The following GPHN variants were observed in gnomAD, a reference collection of about 807,000 sequenced individuals.
GPHN encodes the protein gephyrin.
In GPHN, 17 loss-of-function variants were observed where a neutral mutation model predicts 95.5. That is an observed-to-expected ratio of 0.18 (90% confidence interval 0.12 to 0.27). GPHN has a LOEUF of 0.27. GPHN is among the 10% of genes least tolerant of loss of function. The pLI is 1.00. For missense variants in GPHN, 660 were observed against 978.1 expected (o/e 0.67, Z 4.34); for synonymous variants, 320 against 322.5 (o/e 0.99, Z 0.08).
At chr14:66,851,541 A>G (rs998843173) in intron 4 of GPHN, among the ~76,000 whole-genome samples, 1 of 152,160 alleles carries the variant, frequency 6.6e-6, no homozygotes, top group African/African-American at 2.4e-5. Flanking sequence ...TCATAACTAT[A>G]TTGTATAATA....
At chr14:67,561,334 C>T in the GPHN span, among the ~76,000 whole-genome samples, 9 of 152,110 alleles carry the variant, frequency 5.9e-5, no homozygotes, top group Non-Finnish European at 1.2e-4. Flanking sequence ...GTGGATTGCT[C>T]GACACTAGGA....
chr14:66,802,609 C>T (rs1027912412), intron 3 of GPHN, among the ~76,000 whole-genome samples: 5 of 152,172 alleles, frequency 3.3e-5, no homozygotes, highest in Admixed American at 2.6e-4. Context: ...TCACCCAAGC[C>T]CTTGATACCT....
At chr14:67,359,151 GA>G in the GPHN span, among the ~76,000 whole-genome samples, 2 of 152,200 alleles carry the variant, frequency 1.3e-5, no homozygotes, top group Non-Finnish European at 2.9e-5. Context: ...GGGGATCCAA[GA>G]TCGAATCCGA....
chr14:66,889,171 T>A (rs992586328), intron 5 of GPHN, among the ~76,000 whole-genome samples: 1 of 152,092 alleles, frequency 6.6e-6, no homozygotes, highest in Non-Finnish European at 1.5e-5. Context: ...TATGCCACAT[T>A]CAATAATGGA....
At chr14:66,556,361 C>T (rs1365469597) in intron 1 of GPHN, among the ~76,000 whole-genome samples, 1 of 152,164 alleles carries the variant, frequency 6.6e-6, no homozygotes, top group East Asian at 1.9e-4. Flanking sequence ...CAGAACACAA[C>T]TATTATCCTT....
At chr14:67,044,840 G>T (rs1376762465) in intron 10 of GPHN, among the ~76,000 whole-genome samples, 1 of 150,904 alleles carries the variant, frequency 6.6e-6, no homozygotes, top group Admixed American at 6.6e-5. Context: ...CTGTTGGTGT[G>T]TCTCTGTCTG....
At chr14:66,937,727 A>T (rs1190633358) in intron 8 of GPHN, among the ~76,000 whole-genome samples, 1 of 152,210 alleles carries the variant, frequency 6.6e-6, no homozygotes, top group East Asian at 1.9e-4. Flanking sequence ...TTTACAAATA[A>T]GAAGACCACA....
chr14:67,137,713 T>C (rs2080178603), intron 17 of GPHN, among the ~76,000 whole-genome samples: 1 of 152,042 alleles, frequency 6.6e-6, no homozygotes, highest in African/African-American at 2.4e-5. Flanking sequence ...TGCAGTGAGC[T>C]GTGATCACAC....
At chr14:66,570,865 G>A (rs2060659366) in intron 1 of GPHN, among the ~76,000 whole-genome samples, 1 of 152,128 alleles carries the variant, frequency 6.6e-6, no homozygotes, top group Non-Finnish European at 1.5e-5. Context: ...CTGATGATTA[G>A]TGATGTGGAG....
intron 8 of GPHN, among the ~76,000 whole-genome samples, chr14:66,945,317 C>T (rs1015804616): frequency 2.6e-5 from 4 of 152,212 alleles, no homozygotes; most frequent in Middle Eastern, 3.2e-3. Context: ...GCAAATGGTG[C>T]GAACTTCTAA....
At chr14:66,834,519 G>C (rs1348753626) in intron 4 of GPHN, among the ~76,000 whole-genome samples, 1 of 151,948 alleles carries the variant, frequency 6.6e-6, no homozygotes, top group South Asian at 2.1e-4. Context: ...TAATCATGTG[G>C]TTTTTGTCTT....
At chr14:67,594,031 G>T in the GPHN span, 1 of 892,550 alleles carries the variant, frequency 1.1e-6, no homozygotes, top group South Asian at 1.5e-5. Flanking sequence ...GAACATGCAT[G>T]GAGGAAAAGG....
chr14:66,884,290 A>G (rs952256655), intron 5 of GPHN, among the ~76,000 whole-genome samples: 4 of 152,038 alleles, frequency 2.6e-5, no homozygotes, highest in Non-Finnish European at 5.9e-5. Flanking sequence ...TTCAGTCCCA[A>G]ATCTGCCTGC....
chr14:66,915,884 C>G, intron 5 of GPHN, 119 bp from the exon 6 acceptor site: 1 of 733,292 alleles, frequency 1.4e-6, no homozygotes, highest in Non-Finnish European at 2.5e-6. Flanking sequence ...TAAGATAACA[C>G]TTTTATTCCT....
chr14:66,672,212 GT>G (rs1402170224), intron 1 of GPHN, among the ~76,000 whole-genome samples: 8 of 152,018 alleles, frequency 5.3e-5, no homozygotes, highest in Admixed American at 1.3e-4. Flanking sequence ...CTTTAGAAGT[GT>G]TTTGTTTAAT....
intron 5 of GPHN, among the ~76,000 whole-genome samples, chr14:66,881,381 TAAG>T (rs2063923181): frequency 6.6e-6 from 1 of 151,842 alleles, no homozygotes; most frequent in Non-Finnish European, 1.5e-5. Flanking sequence ...CCTATGGAAT[TAAG>T]TAGTAGTTTT....
At chr14:67,258,936 G>A in the GPHN span, among the ~76,000 whole-genome samples, 5 of 151,968 alleles carry the variant, frequency 3.3e-5, no homozygotes, top group East Asian at 3.9e-4. Context: ...CCCACCTCCC[G>A]GGTTCAAGTG....
chr14:66,787,336 T>G (rs944684178), intron 3 of GPHN, among the ~76,000 whole-genome samples: 12 of 151,992 alleles, frequency 7.9e-5, no homozygotes, highest in African/African-American at 2.4e-4. Flanking sequence ...AACAAAGAAA[T>G]AAAAGGACAC....
intron 17 of GPHN, among the ~76,000 whole-genome samples, chr14:67,141,416 G>A (rs2080451112): frequency 6.6e-6 from 1 of 152,162 alleles, no homozygotes; most frequent in South Asian, 2.1e-4. Flanking sequence ...TTGCCAGTTT[G>A]TTGGGTATGT....
Sources: gnomAD v4.1 joint callset for allele counts (sites outside exome capture counted in the v4.1 genomes callset) on GRCh38, gnomAD v4.1.1 for gene constraint, MANE v1.5 for transcripts, NCBI Gene and HGNC (gene_info 2026-07-23, HGNC 2026-07-21) for gene names.